The following TACC2 variants were observed in gnomAD, a reference collection of about 807,000 sequenced individuals.
TACC2 encodes transforming acidic coiled-coil-containing protein 2.
TACC2 carries 137 observed loss-of-function variants against 227.3 expected under a neutral mutation model. The observed-to-expected ratio is 0.60, with a 90% CI of 0.52 to 0.69. The LOEUF (loss-of-function observed/expected upper bound fraction) is 0.69, where lower values mean the gene tolerates loss of function less well. Ranked by LOEUF, TACC2 falls within the 30% of genes least tolerant of loss-of-function variation. TACC2 has a pLI of 0.00. For missense variants in TACC2, 3,470 were observed against 3,694.4 expected (o/e 0.94, Z 1.57); for synonymous variants, 1,523 against 1,487.5 (o/e 1.02, Z -0.55).
chr10:122,076,597 T>C (rs1006582554), intron 3 of TACC2, among the ~76,000 whole-genome samples: 13 of 152,178 alleles, frequency 8.5e-5, no homozygotes, highest in Non-Finnish European at 1.6e-4. Flanking sequence ...TTTAGTACTT[T>C]ATAATTAGTC....
intron 3 of TACC2, among the ~76,000 whole-genome samples, chr10:122,067,410 T>G (rs1014207581): frequency 2.0e-5 from 3 of 152,162 alleles, no homozygotes; most frequent in African/African-American, 7.2e-5. Context: ...TTTGTTCTTT[T>G]TTTCTCTGGC....
intron 5 of TACC2, among the ~76,000 whole-genome samples, chr10:122,118,201 G>A (rs902712322): frequency 6.6e-6 from 1 of 152,040 alleles, no homozygotes; most frequent in Non-Finnish European, 1.5e-5. Flanking sequence ...TTTTAGTAGA[G>A]TTGGAGTTTC....
chr10:122,249,754 G>A (rs897359019), intron 22 of TACC2, 90 bp downstream of exon 22: 5 of 1,442,536 alleles, frequency 3.5e-6, no homozygotes, highest in Non-Finnish European at 4.7e-6. Flanking sequence ...GGGCTTCCCT[G>A]GCCACTGCTG....
At chr10:122,217,212 C>T (rs968797137) in intron 11 of TACC2, among the ~76,000 whole-genome samples, 1 of 152,000 alleles carries the variant, frequency 6.6e-6, no homozygotes, top group Non-Finnish European at 1.5e-5. Flanking sequence ...CTGACCTGGA[C>T]TCGCTTGGTG....
chr10:122,099,303 C>G (rs944627383), intron 5 of TACC2, among the ~76,000 whole-genome samples: 4 of 152,142 alleles, frequency 2.6e-5, no homozygotes, highest in Non-Finnish European at 4.4e-5. Flanking sequence ...GTGTGAGTGC[C>G]GAGCCTGGGC....
intron 7 of TACC2, among the ~76,000 whole-genome samples, chr10:122,173,069 C>G (rs2093555699): frequency 6.6e-6 from 1 of 152,114 alleles, no homozygotes; most frequent in African/African-American, 2.4e-5. Flanking sequence ...AGAAAAAAAC[C>G]AATTCAAACT....
At position 122,082,580 on chromosome 10, in the gene TACC2, G is replaced by A. The variant is rs527305593; in HGVS notation, c.147-67G>A. 2.6e-6 allele frequency: 4 copies of A among 1,530,028 alleles called. No homozygotes were observed. In the South Asian group the frequency reaches 3.9e-5, roughly 15 times the overall value. 94.8% of individuals were successfully genotyped at this position (1,530,028 alleles called of 1,614,324 possible). A position where few individuals can be genotyped will look rare whatever the true frequency, so the allele number is the denominator to read the frequency against. On this transcript the variant is annotated intron_variant, in intron 3 of 22. Transcript: ENST00000369005. ...CTTTTGTGGGGGTGGGTTGGGGGGT[G>A]ACCTGCCTGCAGTGTGGCTCTGTCC...
At chr10:122,044,799 G>A (rs1453765911) in intron 2 of TACC2, among the ~76,000 whole-genome samples, 1 of 151,834 alleles carries the variant, frequency 6.6e-6, no homozygotes, top group East Asian at 1.9e-4. Context: ...AGGCTCTGGA[G>A]TGTTCCAGAG....
Position 122,064,700 on chromosome 10 carries a change from T to C in TACC2, c.146+14150T>C, listed in dbSNP as rs1378240335. 5.3e-5 allele frequency among the ~76,000 whole-genome samples: 8 copies of C among 152,350 alleles called. No homozygotes were observed. The South Asian group carries it at 1.4e-3, about 28-fold the overall frequency. On this transcript the variant is annotated intron_variant, in intron 3 of 22. Coordinates refer to ENST00000369005, the MANE Select transcript of TACC2 (RefSeq NM_206862.4). ...AGGTCATGTATCCGTCATTATGATA[T>C]TAGTTTCACTGCCTTAAAAACCCCT...
intron 3 of TACC2, among the ~76,000 whole-genome samples, chr10:122,075,196 AAAAAAAAG>A (rs2078641394): frequency 2.8e-5 from 3 of 108,564 alleles, no homozygotes; most frequent in African/African-American, 1.3e-4. Context: ...GCCAAAAAAA[AAAAAAAAG>A]AAAGAAAGAA....
chr10:122,249,452 C>T, intron 21 of TACC2, 92 bp from the exon 22 acceptor site: 5 of 1,533,810 alleles, frequency 3.3e-6, no homozygotes, highest in Non-Finnish European at 4.4e-6. Flanking sequence ...TGGGGCCAGA[C>T]CAGGCCACTC....
chr10:122,132,627 T>C lies in TACC2; in HGVS notation c.5592T>C (p.Asp1864=), dbSNP rs757494792. ...TCCCCAGTTCACCTGTGGCAGATGA[T>C]ATCATCCAGCCCGCTGCCCCCGCAG... The part of the protein sequence containing the change: ...EGTESSPVAD[D]IIQPAAPADL... The change falls in exon 6 of 23, where the codon GAT becomes GAC. Residue 1864 remains aspartate, a synonymous_variant. Transcript: ENST00000369005. 3 of 1,614,074 alleles carry C rather than the reference T, an allele frequency of 1.9e-6. No individual in the cohort carries two copies. Among genetic ancestry groups the C allele is most frequent in the Admixed American group, 1.7e-5 (1 of 60,002 alleles).
intron 8 of TACC2, among the ~76,000 whole-genome samples, chr10:122,207,718 C>G (rs1397712780): frequency 6.6e-6 from 1 of 152,196 alleles, no homozygotes; most frequent in Non-Finnish European, 1.5e-5. Flanking sequence ...GCTAAGCAGG[C>G]AGGGAGCTCT....
In TACC2 at chr10:122,228,024, G is replaced by A; in HGVS notation, c.7896+16G>A. ...GATTGAAATTGTAAGTGGAGTTGGAGGGCCCCAGATCACAGGGGATGAGGT... is the reference window on the plus strand; with the variant it reads ...GATTGAAATTGTAAGTGGAGTTGGAAGGCCCCAGATCACAGGGGATGAGGT... On this transcript the variant is annotated intron_variant, in intron 14 of 22. Transcript: ENST00000369005. The A allele has an allele frequency of 1.2e-6, 2 of 1,609,466 alleles. No individual in the cohort carries two copies. The highest frequency in any genetic ancestry group is 8.5e-7 in the Non-Finnish European group (1 of 1,177,802).
chr10:122,193,936 G>A (rs1371343346), intron 7 of TACC2, among the ~76,000 whole-genome samples: 1 of 152,074 alleles, frequency 6.6e-6, no homozygotes, highest in Non-Finnish European at 1.5e-5. Context: ...ATTTTTTTAA[G>A]AGACAGGGTC....
At chr10:122,203,470 C>T (rs1327327761) in intron 8 of TACC2, among the ~76,000 whole-genome samples, 1 of 151,884 alleles carries the variant, frequency 6.6e-6, no homozygotes, top group East Asian at 1.9e-4. Context: ...AGACGCTCCT[C>T]ACTTCCCAGA....
rs771710153 is a variant in TACC2, at chr10:122,210,610, A to G, written c.6185A>G (p.Gln2062Arg). The G allele has an allele frequency of 7.4e-6, 12 of 1,614,120 alleles. No individual in the cohort carries two copies. Among genetic ancestry groups the G allele is most frequent in the Admixed American group, 1.7e-5 (1 of 60,024 alleles). The change falls in exon 9 of 23, where the codon CAG becomes CGG. Residue 2062 changes from glutamine to arginine, a missense_variant. Transcript: ENST00000369005. The surrounding 1 kb of genome is among the most constrained non-coding windows in gnomAD (Gnocchi z 4.6). ...CCTCGTGCCTCAGACGCTAAGAATC[A>G]GGAGGGCAAAGTGAACACACGGAGG... is the stretch of plus-strand genomic sequence containing the variant. ...LEPRASDAKNQEGKVNTRRKS... is the reference protein window; with the variant it reads ...LEPRASDAKNREGKVNTRRKS...
intron 7 of TACC2, among the ~76,000 whole-genome samples, chr10:122,162,474 A>G (rs1314587598): frequency 6.6e-6 from 1 of 152,232 alleles, no homozygotes; most frequent in Admixed American, 6.5e-5. Context: ...CCACTTACCC[A>G]TCAGAGGTTC....
At chr10:122,041,532 C>T (rs192092018) in intron 2 of TACC2, among the ~76,000 whole-genome samples, 427 of 151,548 alleles carry the variant, frequency 2.8e-3, no homozygotes, top group Non-Finnish European at 4.3e-3. Flanking sequence ...CTACAATCTC[C>T]GCCTCCTGGG....
Sources: allele counts gnomAD v4.1 joint callset (sites outside exome capture counted in the v4.1 genomes callset), GRCh38; gene constraint gnomAD v4.1.1; non-coding constraint Gnocchi (gnomAD v3.1); transcripts MANE v1.5; gene names NCBI Gene and HGNC (gene_info 2026-07-23, HGNC 2026-07-21).